ZNF845: variants seen among roughly 807,000 people sequenced by gnomAD.
The protein encoded by ZNF845 is zinc finger protein 845.
In ZNF845, 59 loss-of-function variants were observed where a neutral mutation model predicts 76.1. The observed-to-expected ratio is 0.78, with a 90% CI of 0.63 to 0.96. The LOEUF is 0.96. Among genes scored for constraint, ZNF845 ranks in the 40% least tolerant of loss-of-function variants. ZNF845 has a pLI of 0.00. For synonymous variants in ZNF845, 361 were observed against 386.9 expected (o/e 0.93, Z 0.78); for missense variants, 1,045 against 1,172.8 (o/e 0.89, Z 1.59).
At chr19:53,348,084 G>A (rs1428619333) in intron 3 of ZNF845, among the ~76,000 whole-genome samples, 2 of 152,082 alleles carry the variant, frequency 1.3e-5, no homozygotes, top group African/African-American at 2.4e-5. Context: ...CAAGTAACTC[G>A]GGAGGCTGAG....
At chr19:53,337,434 G>A (rs1003296397) in intron 1 of ZNF845, among the ~76,000 whole-genome samples, 10 of 152,062 alleles carry the variant, frequency 6.6e-5, no homozygotes, top group Non-Finnish European at 1.2e-4. Flanking sequence ...GGCTGTGAGT[G>A]TAGTCTGGTG....
intron 2 of ZNF845, among the ~76,000 whole-genome samples, chr19:53,343,647 C>G (rs886172676): frequency 1.3e-5 from 2 of 152,138 alleles, no homozygotes; most frequent in African/African-American, 4.8e-5. Flanking sequence ...CATATACATA[C>G]ATATATACAC....
At chr19:53,344,787 C>CGTG in intron 2 of ZNF845, among the ~76,000 whole-genome samples, 2 of 151,874 alleles carry the variant, frequency 1.3e-5, no homozygotes, top group Middle Eastern at 3.4e-3. Flanking sequence ...TGTGCCACAA[C>CGTG]GCCTGGATGA....
chr19:53,336,746 A>C (rs556341527), intron 1 of ZNF845, among the ~76,000 whole-genome samples: 46 of 150,404 alleles, frequency 3.1e-4, no homozygotes, highest in Middle Eastern at 3.4e-3. Flanking sequence ...TCCTATAACC[A>C]GCTCACATTG....
rs1189393220 is a variant in ZNF845 at position 53,352,754 on chromosome 19, T to C, written c.2079T>C (p.Cys693=). 1 of 1,614,140 alleles carries C rather than the reference T, an allele frequency of 6.2e-7. No homozygotes were observed. Among genetic ancestry groups the C allele is most frequent in the Non-Finnish European group, 8.5e-7 (1 of 1,180,012 alleles). ...RLHTGEKPYK[C]NECGKTFGRN... ...ATACTGGAGAGAAACCTTACAAGTG[T>C]AATGAGTGTGGCAAGACCTTCGGTC... Residue 693 remains cysteine, a synonymous_variant, in exon 4 of 4, where the codon TGT becomes TGC. Transcript: ENST00000458035.
At chr19:53,343,279 A>G (rs12980024) in intron 2 of ZNF845, among the ~76,000 whole-genome samples, 3 of 152,238 alleles carry the variant, frequency 2.0e-5, no homozygotes, top group Non-Finnish European at 4.4e-5. Context: ...GTTAGTTAAC[A>G]TGGCTAGCTT....
At chr19:53,343,608 C>T (rs1225745158) in intron 2 of ZNF845, among the ~76,000 whole-genome samples, 1 of 152,026 alleles carries the variant, frequency 6.6e-6, no homozygotes, top group Admixed American at 6.6e-5. Flanking sequence ...ATATGCACAC[C>T]CACCTACACA....
In ZNF845 at chr19:53,355,156, C is replaced by G. The variant is rs186219946; in HGVS notation, c.*1568C>G. 1 of 152,080 alleles carries G rather than the reference C, an allele frequency of 6.6e-6. No individual in the cohort carries two copies. The highest frequency in any genetic ancestry group is 1.9e-4 in the East Asian group (1 of 5,162). The allele number at this position is 152,080 out of a possible 1,614,324, so 9.4% of individuals were successfully genotyped here. ...TGAACTCCTGACTTCAGGTGATCCG[C>G]CCCCATCAGCATCCCAAAGTTCTGG... is the stretch of plus-strand genomic sequence containing the variant. On this transcript the variant is annotated 3_prime_UTR_variant, in exon 4 of 4. Transcript: ENST00000458035.
intron 2 of ZNF845, among the ~76,000 whole-genome samples, chr19:53,343,629 C>T (rs1322041686): frequency 6.6e-6 from 1 of 152,158 alleles, no homozygotes; most frequent in African/African-American, 2.4e-5. Context: ...AGTATACACA[C>T]ACACATGCAT....
At chr19:53,335,758 G>A (rs1297747133) in intron 1 of ZNF845, among the ~76,000 whole-genome samples, 2 of 151,988 alleles carry the variant, frequency 1.3e-5, no homozygotes, top group African/African-American at 4.8e-5. Context: ...ATGAGCCACT[G>A]CATCCAGCTA....
Position 53,351,524 on chromosome 19 carries a change from G to A in ZNF845, c.849G>A (p.Glu283=). The change falls in exon 4 of 4, where the codon GAG becomes GAA. Residue 283 remains glutamate, a synonymous_variant. Transcript: ENST00000458035. ...CNDCGKTFSQ[E]LTLTCHHRLH... is the part of the protein sequence containing the mutation. ...ATTGTGGCAAGACCTTCAGTCAGGA[G>A]TTAACCCTTACATGCCATCATAGAC... 1.2e-6 allele frequency: 2 copies of A among 1,614,062 alleles called. No individual in the cohort carries two copies. Among genetic ancestry groups the A allele is most frequent in the South Asian group, 1.1e-5 (1 of 91,078 alleles).
chr19:53,341,648 T>C (rs924598902), intron 2 of ZNF845, among the ~76,000 whole-genome samples: 1 of 152,006 alleles, frequency 6.6e-6, no homozygotes, highest in African/African-American at 2.4e-5. Flanking sequence ...CACTGTCAGC[T>C]CTCTGTGAAC....
chr19:53,350,723 A>G, intron 3 of ZNF845, 95 bp from the exon 4 acceptor site: 1 of 1,466,792 alleles, frequency 6.8e-7, no homozygotes, highest in Admixed American at 2.3e-5. Context: ...TGGGAAGTTT[A>G]AAATAAGTAT....
At chr19:53,345,672 G>C in intron 3 of ZNF845, 40 bp downstream of exon 3, 1 of 1,604,572 alleles carries the variant, frequency 6.2e-7, no homozygotes, top group Non-Finnish European at 8.5e-7. Flanking sequence ...ATGTGCCCTT[G>C]TGTATCTTTG....
intron 1 of ZNF845, among the ~76,000 whole-genome samples, chr19:53,334,147 G>T (rs1488391830): frequency 6.6e-6 from 1 of 152,104 alleles, no homozygotes; most frequent in African/African-American, 2.4e-5. Context: ...AGGCGCCGTC[G>T]CCCCCCACCT....
At chr19:53,350,675 C>G in intron 3 of ZNF845, 143 bp from the exon 4 acceptor site, 1 of 1,110,062 alleles carries the variant, frequency 9.0e-7, no homozygotes, top group South Asian at 1.7e-5. Context: ...ATTGATGAAT[C>G]TTACCCTTTT....
intron 2 of ZNF845, 53 bp from the exon 3 acceptor site, chr19:53,345,453 A>G (rs1363014661): frequency 9.3e-6 from 15 of 1,612,456 alleles, no homozygotes; most frequent in Non-Finnish European, 1.1e-5. Flanking sequence ...CATTTCGTGT[A>G]AAGATAAGAA....
At chr19:53,339,249 A>T (rs1389769976) in intron 1 of ZNF845, among the ~76,000 whole-genome samples, 1 of 152,184 alleles carries the variant, frequency 6.6e-6, no homozygotes, top group Non-Finnish European at 1.5e-5. Context: ...GAAAAGCTGT[A>T]TTTATCCTCA....
Position 53,354,930 on chromosome 19 carries a change from T to C in ZNF845, c.*1342T>C, listed in dbSNP as rs1401684968. On this transcript the variant is annotated 3_prime_UTR_variant, in exon 4 of 4. Transcript: ENST00000458035. ...ACTCTGTTACCCAGGCTCTTTTCTTTTTTTTTGAGAAGGAGTCTCACTCTT... is the reference window on the plus strand; with the variant it reads ...ACTCTGTTACCCAGGCTCTTTTCTTCTTTTTTGAGAAGGAGTCTCACTCTT... The C allele has an allele frequency of 6.6e-6, 1 of 152,016 alleles. No homozygotes were observed. The highest frequency in any genetic ancestry group is 1.9e-4 in the East Asian group (1 of 5,186). The allele number at this position is 152,016 out of a possible 1,614,324, so 9.4% of individuals were successfully genotyped here.
Sources: allele counts gnomAD v4.1 joint callset (sites outside exome capture counted in the v4.1 genomes callset), GRCh38; gene constraint gnomAD v4.1.1; transcripts MANE v1.5; gene names NCBI Gene and HGNC (gene_info 2026-07-23, HGNC 2026-07-21).